The following ERCC5 variants were observed in gnomAD, a reference collection of about 807,000 sequenced individuals.
The protein encoded by ERCC5 is DNA excision repair protein ERCC-5.
In ERCC5, 68 loss-of-function variants were observed where a neutral mutation model predicts 105.6. The ratio of observed to expected loss-of-function variants is 0.64; its 90% CI spans 0.53 to 0.79. ERCC5 has a LOEUF of 0.79. Ranked by LOEUF, ERCC5 falls within the 30% of genes least tolerant of loss-of-function variation. The pLI is 0.00. For missense variants in ERCC5, 1,373 were observed against 1,426.7 expected (o/e 0.96, Z 0.61); for synonymous variants, 546 against 526.2 (o/e 1.04, Z -0.51).
intron 6 of ERCC5, among the ~76,000 whole-genome samples, chr13:102,860,251 G>A (rs778952629): frequency 1.3e-5 from 2 of 152,114 alleles, no homozygotes; most frequent in Non-Finnish European, 2.9e-5. Context: ...AATTAATAAG[G>A]AAAGAAAAAA....
chr13:102,853,271 A>T (rs1882273094), intron 2 of ERCC5, among the ~76,000 whole-genome samples: 1 of 152,196 alleles, frequency 6.6e-6, no homozygotes, highest in African/African-American at 2.4e-5. Context: ...GGGACTATCC[A>T]TTTGTCACTA....
chr13:102,857,538 A>G (rs1882469916), intron 5 of ERCC5, among the ~76,000 whole-genome samples: 1 of 152,220 alleles, frequency 6.6e-6, no homozygotes, highest in South Asian at 2.1e-4. Context: ...GTATTAGCTT[A>G]TCTTTTTTAC....
rs544974963 is a variant in ERCC5, at chr13:102,862,490, G to A, written c.1341G>A (p.Ala447=). The change falls in exon 8 of 15, where the codon GCG becomes GCA. Residue 447 remains alanine (A), a synonymous_variant. Transcript: ENST00000652225. The part of the protein sequence containing the change: ...GKGIPFTATL[A]SSSVNSAEEH... ...GAATACCGTTTACTGCAACACTTGC[G>A]TCATCTAGTGTGAACTCTGCAGAGG... 1.3e-5 allele frequency: 21 copies of A among 1,614,108 alleles called. No individual in the cohort carries two copies. Among genetic ancestry groups the A allele is most frequent in the South Asian group, 1.1e-4 (10 of 91,082 alleles).
At chr13:102,855,261 CT>C (rs537669193) in intron 4 of ERCC5, among the ~76,000 whole-genome samples, 20 of 149,078 alleles carry the variant, frequency 1.3e-4, no homozygotes, top group Admixed American at 7.4e-4. Context: ...TTTTTTCTTT[CT>C]TTTTTTTTTG....
chr13:102,875,734 A>T lies in ERCC5; in HGVS notation c.3392A>T (p.Asn1131Ile). 6.2e-7 allele frequency: 1 copy of T among 1,614,168 alleles called. No individual in the cohort carries two copies. The highest frequency in any genetic ancestry group is 8.5e-7 in the Non-Finnish European group (1 of 1,180,024). The change falls in exon 15 of 15, where the codon AAC becomes ATC. Residue 1131 changes from asparagine (N) to isoleucine (I), a missense_variant. Transcript: ENST00000652225. ...EPKTSASDSQ[N>I]SVKEAPVKNG... is the part of the protein sequence containing the mutation. ...AAAACCAGTGCTTCAGATTCGCAGAACTCAGTGAAGGAAGCTCCCGTGAAG... is the reference window on the plus strand; with the variant it reads ...AAAACCAGTGCTTCAGATTCGCAGATCTCAGTGAAGGAAGCTCCCGTGAAG...
At position 102,846,100 on chromosome 13, in the gene ERCC5, A is replaced by G; in HGVS notation, c.-167A>G. On this transcript the variant is annotated 5_prime_UTR_variant, in exon 1 of 15. Transcript: ENST00000652225. Reference sequence around the variant, plus strand: ...AGTCTCTCCGCTTTAATGCGCTCCCATTAGTGCCGTCCCCCACTGGAAAAC... The same window carrying G: ...AGTCTCTCCGCTTTAATGCGCTCCCGTTAGTGCCGTCCCCCACTGGAAAAC... 1 of 619,668 alleles carries G rather than the reference A, an allele frequency of 1.6e-6. No individual in the cohort carries two copies. Among genetic ancestry groups the G allele is most frequent in the Non-Finnish European group, 2.9e-6 (1 of 346,812 alleles). 38.4% of individuals were successfully genotyped at this position (619,668 alleles called of 1,614,324 possible).
At chr13:102,852,357 A>G (rs1237311517) in intron 2 of ERCC5, 64 bp downstream of exon 2, 1 of 1,585,056 alleles carries the variant, frequency 6.3e-7, no homozygotes, top group Non-Finnish European at 8.6e-7. Flanking sequence ...TCTTAGAAAA[A>G]TTCACATAAA....
intron 2 of ERCC5, 109 bp downstream of exon 2, chr13:102,852,402 C>CT: frequency 6.4e-6 from 8 of 1,245,654 alleles, no homozygotes; most frequent in Non-Finnish European, 9.0e-6. Flanking sequence ...TAGAAACAGA[C>CT]TTATTTTGAC....
At chr13:102,869,323 T>C (rs1882952833) in intron 12 of ERCC5, among the ~76,000 whole-genome samples, 1 of 152,228 alleles carries the variant, frequency 6.6e-6, no homozygotes, top group South Asian at 2.1e-4. Flanking sequence ...ACATACGTCA[T>C]GGTAGGTAAA....
At chr13:102,846,469 G>C in intron 1 of ERCC5, 115 bp downstream of exon 1, 1 of 907,906 alleles carries the variant, frequency 1.1e-6, no homozygotes, top group Non-Finnish European at 1.8e-6. Context: ...GGTCGGGGTC[G>C]GGGTCGCTAT....
rs373841284 is a variant in ERCC5, at chr13:102,872,255, C to A, written c.2736C>A (p.Thr912=). ...AGATAAGACCTAATCCTCATGACAC[C>A]AAAGTGAAAAAAAAATTACGGACAT... is the stretch of plus-strand genomic sequence containing the variant. The part of the protein sequence containing the change: ...NPKIRPNPHD[T]KVKKKLRTLQ... Residue 912 remains threonine, a synonymous_variant, in exon 13 of 15, where the codon ACC becomes ACA. Transcript: ENST00000652225. 2.0e-5 allele frequency: 33 copies of A among 1,613,856 alleles called. No homozygotes were observed. The African/African-American group carries it at 3.9e-4, about 19-fold the overall frequency.
Position 102,865,283 on chromosome 13 carries a change from G to T in ERCC5, c.1955-384G>T, listed in dbSNP as rs1882791745. ...TATTTCTTAGTCACAGCTTTATTCTGTGCTGTGTAAATAGCATAAAAACAT... is the reference window on the plus strand; with the variant it reads ...TATTTCTTAGTCACAGCTTTATTCTTTGCTGTGTAAATAGCATAAAAACAT... On this transcript the variant is annotated intron_variant, in intron 8 of 14. Coordinates refer to ENST00000652225, the MANE Select transcript of ERCC5 (RefSeq NM_000123.4). This position sits in a 1 kb window ranked among gnomAD's most constrained non-coding sequence, Gnocchi z 4.0. 6.4e-6 allele frequency: 2 copies of T among 314,264 alleles called. No homozygotes were observed. The highest frequency in any genetic ancestry group is 2.2e-5 in the African/African-American group (1 of 45,700). 19.5% of individuals were successfully genotyped at this position (314,264 alleles called of 1,614,324 possible).
intron 1 of ERCC5, among the ~76,000 whole-genome samples, chr13:102,847,311 T>TGAG (rs1882006153): frequency 6.6e-6 from 1 of 151,872 alleles, no homozygotes; most frequent in Non-Finnish European, 1.5e-5. Context: ...TTTTTTTTTT[T>TGAG]TTGAGTATCT....
At chr13:102,859,384 G>T (rs1443994905) in intron 6 of ERCC5, among the ~76,000 whole-genome samples, 1 of 152,202 alleles carries the variant, frequency 6.6e-6, no homozygotes, top group Admixed American at 6.5e-5. Context: ...CACAAAGAAT[G>T]TGCAGTAGCA....
At position 102,875,942 on chromosome 13, in the gene ERCC5, C is replaced by T; in HGVS notation, c.*39C>T. ...ATCCTCTATAATTAGTTATGACAGC[C>T]ATTTGTAATGAATTTGTCGCAAAGA... On this transcript the variant is annotated 3_prime_UTR_variant, in exon 15 of 15. Transcript: ENST00000652225. The T allele has an allele frequency of 6.3e-7, 1 of 1,594,052 alleles. No homozygotes were observed. Among genetic ancestry groups the T allele is most frequent in the Non-Finnish European group, 8.5e-7 (1 of 1,176,006 alleles).
intron 1 of ERCC5, among the ~76,000 whole-genome samples, chr13:102,847,737 C>G (rs7326943): frequency 0.58 from 88,656 of 152,006 alleles, 26,618 homozygotes; most frequent in African/African-American, 0.66. Flanking sequence ...CAAGCTGTTG[C>G]TTAGTATCAT....
Position 102,862,134 on chromosome 13 carries a change from C to T in ERCC5, c.985C>T (p.Leu329=), listed in dbSNP as rs775444707. The T allele has an allele frequency of 2.5e-6, 4 of 1,614,034 alleles. No individual in the cohort carries two copies. In the African/African-American group the frequency reaches 5.3e-5, roughly 22 times the overall value. Residue 329 remains leucine (L), a synonymous_variant, in exon 8 of 15, where the codon CTG becomes TTG. Coordinates refer to ENST00000652225, the MANE Select transcript of ERCC5 (RefSeq NM_000123.4). The stretch of plus-strand genomic sequence containing the variant: ...CGTGAAGTCATCTCCATGTGAAAAA[C>T]TGAAGACAGAGAAAGAGCCTGATGC... ...FDVKSSPCEK[L]KTEKEPDATP...
At chr13:102,870,774 G>A (rs1268482378) in intron 12 of ERCC5, among the ~76,000 whole-genome samples, 1 of 152,188 alleles carries the variant, frequency 6.6e-6, no homozygotes, top group African/African-American at 2.4e-5. Flanking sequence ...GCATCGGTGA[G>A]GCGGACCCTG....
chr13:102,868,415 A>G (rs1882921403), intron 12 of ERCC5, among the ~76,000 whole-genome samples, 158 bp downstream of exon 12: 1 of 152,252 alleles, frequency 6.6e-6, no homozygotes, highest in South Asian at 2.1e-4. Flanking sequence ...TTTTCTAGAG[A>G]TGATGAAATC....
Sources: gnomAD v4.1 joint callset for allele counts (sites outside exome capture counted in the v4.1 genomes callset) on GRCh38, gnomAD v4.1.1 for gene constraint, Gnocchi (gnomAD v3.1) non-coding constraint, MANE v1.5 for transcripts, NCBI Gene and HGNC (gene_info 2026-07-23, HGNC 2026-07-21) for gene names.